The following FHIT variants were observed in gnomAD, a reference collection of about 807,000 sequenced individuals.
FHIT encodes the protein fragile histidine triad diadenosine triphosphatase, also known as bis(5'-adenosyl)-triphosphatase.
FHIT carries 19 observed loss-of-function variants against 17.9 expected under a neutral mutation model. That is an observed-to-expected ratio of 1.06 (90% confidence interval 0.74 to 1.56). The LOEUF is 1.56. Ranked by LOEUF, FHIT falls within the 40% of genes most tolerant of loss-of-function variation. The pLI is 0.00. For synonymous variants in FHIT, 81 were observed against 69.7 expected (o/e 1.16, Z -0.81); for missense variants, 248 against 189.2 (o/e 1.31, Z -1.82).
rs758189306 is a variant in FHIT, at chr3:60,014,000, C to A, written c.249+7G>T. On this transcript the variant is annotated splice_region_variant and intron_variant, in intron 6 of 9. Transcript: ENST00000492590. ...AAAAATCATTTCTGAGAAATCTGTA[C>A]ACTCACCTGCATGGAAAAGGTGAGA... 4 of 1,613,470 alleles carry A rather than the reference C, an allele frequency of 2.5e-6. No homozygotes were observed. In the African/African-American group the frequency reaches 5.3e-5, roughly 22 times the overall value.
chr3:60,339,830 C>A (rs1428605196), intron 5 of FHIT, among the ~76,000 whole-genome samples: 2 of 152,134 alleles, frequency 1.3e-5, no homozygotes, highest in Non-Finnish European at 2.9e-5. Flanking sequence ...CATGTTCTCA[C>A]CTTGTTGCTA....
intron 7 of FHIT, among the ~76,000 whole-genome samples, chr3:59,991,244 C>T (rs1298926894): frequency 6.6e-6 from 1 of 151,966 alleles, no homozygotes; most frequent in Non-Finnish European, 1.5e-5. Context: ...AAAATCACAG[C>T]CTTTGTGAAT....
At chr3:60,542,065 A>AT (rs1438072021) in intron 4 of FHIT, among the ~76,000 whole-genome samples, 5 of 152,174 alleles carry the variant, frequency 3.3e-5, no homozygotes, top group Non-Finnish European at 4.4e-5. Flanking sequence ...GTGTACATAC[A>AT]TTTTTTGTCA....
At chr3:60,267,680 T>C (rs1559774685) in intron 5 of FHIT, among the ~76,000 whole-genome samples, 1 of 152,128 alleles carries the variant, frequency 6.6e-6, no homozygotes. Context: ...ACATCATTAA[T>C]TCGTTTAGTA....
chr3:61,178,494 T>C (rs1054557673), intron 2 of FHIT, among the ~76,000 whole-genome samples: 3 of 149,838 alleles, frequency 2.0e-5, no homozygotes, highest in Non-Finnish European at 4.4e-5. Flanking sequence ...TAATCTAGTA[T>C]GTAGTCTGGC....
rs979923697 is a variant in FHIT, at chr3:61,220,779, G to T, written c.-212-20114C>A. 2.6e-5 allele frequency among the ~76,000 whole-genome samples: 4 copies of T among 152,182 alleles called. No individual in the cohort carries two copies. In the East Asian group the frequency reaches 7.7e-4, roughly 29 times the overall value. On this transcript the variant is annotated intron_variant, in intron 1 of 9. Coordinates refer to ENST00000492590, the MANE Select transcript of FHIT (RefSeq NM_002012.4). Reference sequence around the variant, plus strand: ...TGAAAATTGATTGCAAATTATTAAGGAAAGGTTAGTTTTGAGTTTTGTTCT... The same window carrying T: ...TGAAAATTGATTGCAAATTATTAAGTAAAGGTTAGTTTTGAGTTTTGTTCT...
At chr3:60,280,056 AG>A (rs1243944715) in intron 5 of FHIT, among the ~76,000 whole-genome samples, 10 of 151,576 alleles carry the variant, frequency 6.6e-5, no homozygotes, top group Non-Finnish European at 1.2e-4. Context: ...AAACAATAGA[AG>A]AAAACCAAAC....
At chr3:60,416,845 G>T (rs1702264572) in intron 5 of FHIT, among the ~76,000 whole-genome samples, 1 of 152,108 alleles carries the variant, frequency 6.6e-6, no homozygotes, top group Admixed American at 6.5e-5. Context: ...CCAGCACTTT[G>T]GGAGGCCGAG....
At chr3:61,025,951 A>G (rs1384574926) in intron 3 of FHIT, among the ~76,000 whole-genome samples, 2 of 152,280 alleles carry the variant, frequency 1.3e-5, no homozygotes, top group East Asian at 3.9e-4. Context: ...GTTGATGTTT[A>G]CCCTATTATA....
At chr3:60,172,618 TA>T (rs1403492728) in intron 5 of FHIT, among the ~76,000 whole-genome samples, 58 of 151,974 alleles carry the variant, frequency 3.8e-4, no homozygotes, top group African/African-American at 1.3e-3. Flanking sequence ...AGACGTGGGA[TA>T]GGGGCAGAAA....
chr3:60,510,902 G>C (rs79747889), intron 5 of FHIT, among the ~76,000 whole-genome samples: 7,212 of 152,212 alleles, frequency 0.047, 346 homozygotes, highest in African/African-American at 0.12. Context: ...GTACATAATA[G>C]AATCATAGTC....
chr3:60,564,767 C>A (rs1309456986), intron 4 of FHIT, among the ~76,000 whole-genome samples: 1 of 152,124 alleles, frequency 6.6e-6, no homozygotes, highest in African/African-American at 2.4e-5. Context: ...AAAGTGATTT[C>A]TTGAGATGAA....
chr3:60,101,096 C>G (rs1295739462), intron 5 of FHIT, among the ~76,000 whole-genome samples: 2 of 152,218 alleles, frequency 1.3e-5, no homozygotes, highest in Non-Finnish European at 2.9e-5. Flanking sequence ...AGGGCAGTAT[C>G]TGCTCTTAAC....
At chr3:60,511,969 CA>C (rs1278306692) in intron 5 of FHIT, among the ~76,000 whole-genome samples, 1 of 151,932 alleles carries the variant, frequency 6.6e-6, no homozygotes, top group Non-Finnish European at 1.5e-5. Flanking sequence ...GAAACAGCAA[CA>C]GACAAAAAGG....
At position 60,868,750 on chromosome 3, in the gene FHIT, C is replaced by T. The variant is rs191548105; in HGVS notation, c.-110-46739G>A. On this transcript the variant is annotated intron_variant, in intron 3 of 9. Coordinates refer to ENST00000492590, the MANE Select transcript of FHIT (RefSeq NM_002012.4). The stretch of plus-strand genomic sequence containing the variant: ...TAACTTACTTAGGAGTCTAAAGACA[C>T]AATCAAATAGCTGTTTCTGACTATT... 1.0e-3 allele frequency among the ~76,000 whole-genome samples: 156 copies of T among 152,214 alleles called. 1 individual carries two copies. The highest frequency in any genetic ancestry group is 1.5e-3 in the Admixed American group (23 of 15,264).
intron 5 of FHIT, among the ~76,000 whole-genome samples, chr3:60,200,681 AAAG>A (rs1339724614): frequency 5.3e-5 from 8 of 151,498 alleles, no homozygotes; most frequent in African/African-American, 2.4e-5. Flanking sequence ...GAAAAAAAAA[AAAG>A]GCTGTCATTG....
chr3:61,054,347 G>A (rs1322044887), intron 2 of FHIT, among the ~76,000 whole-genome samples: 2 of 138,864 alleles, frequency 1.4e-5, no homozygotes, highest in African/African-American at 2.5e-5. Context: ...TAATGTTTTT[G>A]TAACAAATTA....
intron 5 of FHIT, among the ~76,000 whole-genome samples, chr3:60,281,612 A>C (rs559909413): frequency 3.0e-5 from 3 of 100,104 alleles, no homozygotes; most frequent in South Asian, 5.8e-4. Context: ...CTGGACATCC[A>C]TATGCCAAAA....
intron 4 of FHIT, chr3:60,732,436 G>A: frequency 1.4e-6 from 1 of 738,640 alleles, no homozygotes; most frequent in Non-Finnish European, 2.5e-6. Context: ...TATGGCATGT[G>A]AAGTCACCAC....
Sources: allele counts gnomAD v4.1 joint callset (sites outside exome capture counted in the v4.1 genomes callset), GRCh38; gene constraint gnomAD v4.1.1; transcripts MANE v1.5; gene names NCBI Gene and HGNC (gene_info 2026-07-23, HGNC 2026-07-21).